Variants in FHIT observed in about 807,000 individuals in gnomAD.
The protein encoded by FHIT is bis(5'-adenosyl)-triphosphatase.
Under a neutral mutation model 17.9 loss-of-function variants are expected in FHIT, and 19 were observed. That is an observed-to-expected ratio of 1.06 (90% CI 0.74 to 1.56). The LOEUF (loss-of-function observed/expected upper bound fraction) is 1.56. Among genes scored for constraint, FHIT ranks in the 40% most tolerant of loss-of-function variants. The probability of loss-of-function intolerance (pLI) is 0.00; values close to 1 mark genes in which losing one functional copy is unlikely to be tolerated. For missense variants in FHIT, 248 were observed against 189.2 expected, an observed-to-expected ratio of 1.31 and a Z score of -1.82; for synonymous variants, 81 against 69.7, an observed-to-expected ratio of 1.16 and a Z score of -0.81.
At chr3:60,966,437 C>A (rs564635919) in intron 3 of FHIT, among the ~76,000 whole-genome samples, 1 of 152,222 alleles carries the variant, frequency 6.6e-6, no homozygotes, top group Admixed American at 6.5e-5. Flanking sequence ...GTGGGCTGCA[C>A]CCACTGTCCG....
intron 1 of FHIT, among the ~76,000 whole-genome samples, chr3:61,203,407 G>A (rs781156360): frequency 1.3e-5 from 2 of 150,640 alleles, no homozygotes; most frequent in Non-Finnish European, 3.0e-5. Context: ...AAGAATGATA[G>A]AGAACAATAG....
chr3:61,108,787 A>C (rs1481787265), intron 2 of FHIT, among the ~76,000 whole-genome samples: 4 of 152,216 alleles, frequency 2.6e-5, no homozygotes, highest in Non-Finnish European at 4.4e-5. Flanking sequence ...TGGGTGTGGC[A>C]GCCATAGCTA....
chr3:60,531,487 C>G (rs2107587718), intron 5 of FHIT, among the ~76,000 whole-genome samples: 1 of 151,992 alleles, frequency 6.6e-6, no homozygotes, highest in Non-Finnish European at 1.5e-5. Context: ...ACCGTGTTAG[C>G]CAGGATGGTC....
intron 4 of FHIT, among the ~76,000 whole-genome samples, chr3:60,675,157 C>T (rs909260081): frequency 2.0e-5 from 3 of 152,170 alleles, no homozygotes; most frequent in Non-Finnish European, 4.4e-5. Context: ...AAACAGTTGC[C>T]GCATACATTT....
chr3:60,382,269 A>G (rs1019750788), intron 5 of FHIT, among the ~76,000 whole-genome samples: 19 of 152,368 alleles, frequency 1.2e-4, no homozygotes, highest in African/African-American at 4.3e-4. Flanking sequence ...TACACCAAAC[A>G]TGGCTCATAA....
At chr3:60,698,066 A>T (rs1219826535) in intron 4 of FHIT, among the ~76,000 whole-genome samples, 1 of 152,182 alleles carries the variant, frequency 6.6e-6, no homozygotes, top group Non-Finnish European at 1.5e-5. Context: ...TCAATGCTTT[A>T]AAAAATATCC....
intron 3 of FHIT, among the ~76,000 whole-genome samples, chr3:60,879,336 T>A (rs1007073169): frequency 6.6e-6 from 1 of 152,180 alleles, no homozygotes; most frequent in Non-Finnish European, 1.5e-5. Flanking sequence ...ACTGCATAGA[T>A]ACTATACCAC....
rs1553692328 is a variant in FHIT, at chr3:60,129,049, G to GTTTTTTTTTTTTTTTTTTTTTTTT, written c.104-114898_104-114897insAAAAAAAAAAAAAAAAAAAAAAAA. 7.4e-5 allele frequency among the ~76,000 whole-genome samples: 9 copies of GTTTTTTTTTTTTTTTTTTTTTTTT among 121,042 alleles called. 1 individual carries two copies. Among genetic ancestry groups the GTTTTTTTTTTTTTTTTTTTTTTTT allele is most frequent in the Non-Finnish European group, 6.5e-5 (4 of 61,742 alleles). The allele number at this position is 121,042 out of a possible 152,430, so 79.4% of individuals were successfully genotyped here. ...TTTCCCTTTTCTTCTTTCCTTTTTT[G>GTTTTTTTTTTTTTTTTTTTTTTTT]TTTGTTTTTTTTTTTTTTTTTGAAA... On this transcript the variant is annotated intron_variant, in intron 5 of 9. Transcript: ENST00000492590.
intron 2 of FHIT, among the ~76,000 whole-genome samples, chr3:61,051,128 T>TA (rs1278217021): frequency 6.6e-6 from 1 of 152,136 alleles, no homozygotes; most frequent in Admixed American, 6.6e-5. Flanking sequence ...AAATGTGCGT[T>TA]AAAAAAATCT....
chr3:61,228,474 T>C (rs2040022534), intron 1 of FHIT, among the ~76,000 whole-genome samples: 1 of 152,218 alleles, frequency 6.6e-6, no homozygotes, highest in African/African-American at 2.4e-5. Context: ...CATATATAAG[T>C]GTTCAATTCT....
chr3:60,203,739 G>C (rs997310708), intron 5 of FHIT, among the ~76,000 whole-genome samples: 2 of 152,054 alleles, frequency 1.3e-5, no homozygotes, highest in African/African-American at 2.4e-5. Context: ...AAATGCAAGA[G>C]AGATGATAGT....
rs539619599 is a variant in FHIT, at chr3:60,710,636, G to A, written c.-18+111283C>T. Reference sequence around the variant, plus strand: ...GGAGATTATATCCCACACCTGGCTCGGAGGGTCCTACACCCACGGAGTCTC... The same window carrying A: ...GGAGATTATATCCCACACCTGGCTCAGAGGGTCCTACACCCACGGAGTCTC... On this transcript the variant is annotated intron_variant, in intron 4 of 9. Coordinates refer to ENST00000492590, the MANE Select transcript of FHIT (RefSeq NM_002012.4). Among the ~76,000 whole-genome samples, 79 of 152,294 alleles carry A rather than the reference G, an allele frequency of 5.2e-4. No homozygotes were observed. In the South Asian group the frequency reaches 6.2e-3, roughly 12 times the overall value.
At chr3:61,134,233 G>A (rs2036849471) in intron 2 of FHIT, among the ~76,000 whole-genome samples, 1 of 152,050 alleles carries the variant, frequency 6.6e-6, no homozygotes, top group Non-Finnish European at 1.5e-5. Context: ...AAAGTGGTGG[G>A]CACTGGGATT....
intron 8 of FHIT, among the ~76,000 whole-genome samples, chr3:59,803,292 G>A (rs890820436): frequency 6.6e-6 from 1 of 152,144 alleles, no homozygotes; most frequent in Non-Finnish European, 1.5e-5. Flanking sequence ...AAGTTGTAGG[G>A]ACAGAAAGAA....
chr3:60,115,986 C>A (rs1390530513), intron 5 of FHIT, among the ~76,000 whole-genome samples: 1 of 152,102 alleles, frequency 6.6e-6, no homozygotes, highest in African/African-American at 2.4e-5. Context: ...TAACTCTTCT[C>A]TTTATTTCTC....
At chr3:60,132,185 C>T (rs1025159782) in intron 5 of FHIT, among the ~76,000 whole-genome samples, 1 of 152,158 alleles carries the variant, frequency 6.6e-6, no homozygotes, top group Non-Finnish European at 1.5e-5. Flanking sequence ...CTTCACTCTT[C>T]ATTTGTTTCC....
intron 5 of FHIT, among the ~76,000 whole-genome samples, chr3:60,263,066 C>T (rs1315315268): frequency 2.0e-5 from 3 of 151,694 alleles, no homozygotes; most frequent in Non-Finnish European, 2.9e-5. Flanking sequence ...AAAATGACAT[C>T]GTACAAAAGA....
At chr3:60,454,472 C>T (rs186295839) in intron 5 of FHIT, among the ~76,000 whole-genome samples, 53 of 151,848 alleles carry the variant, frequency 3.5e-4, no homozygotes, top group Admixed American at 3.5e-3. Context: ...GCAACCTCCA[C>T]CTCCTGGGTT....
At chr3:60,009,466 A>T (rs917922920) in intron 7 of FHIT, among the ~76,000 whole-genome samples, 1 of 152,166 alleles carries the variant, frequency 6.6e-6, no homozygotes, top group Admixed American at 6.6e-5. Context: ...TATGTTAAGA[A>T]TTAGTCCATC....
Sources: allele counts gnomAD v4.1 joint callset (sites outside exome capture counted in the v4.1 genomes callset), GRCh38; gene constraint gnomAD v4.1.1; transcripts MANE v1.5; gene names NCBI Gene and HGNC (gene_info 2026-07-23, HGNC 2026-07-21).